Variants in EIF4G3 observed in about 807,000 individuals in gnomAD.
EIF4G3 encodes eukaryotic translation initiation factor 4 gamma 3.
Under a neutral mutation model 186.4 loss-of-function variants are expected in EIF4G3, and 34 were observed. The observed-to-expected ratio is 0.18, with a 90% CI of 0.14 to 0.24. EIF4G3 has a LOEUF of 0.24. EIF4G3 is among the 10% of genes least tolerant of loss of function. The pLI is 1.00. For synonymous variants in EIF4G3, 673 were observed against 679.5 expected (o/e 0.99, Z 0.15); for missense variants, 1,536 against 1,948.5 (o/e 0.79, Z 3.99).
chr1:20,990,928 C>T (rs967113834), intron 7 of EIF4G3, among the ~76,000 whole-genome samples: 5 of 152,128 alleles, frequency 3.3e-5, no homozygotes, highest in African/African-American at 9.7e-5. Flanking sequence ...GGTCAGCCTA[C>T]TAGAAGATGA....
chr1:21,121,844 T>C (rs183488342), intron 2 of EIF4G3, among the ~76,000 whole-genome samples: 1 of 152,032 alleles, frequency 6.6e-6, no homozygotes, highest in East Asian at 1.9e-4. Flanking sequence ...TCCTTTACAA[T>C]GTATCTTAAC....
At position 20,969,483 on chromosome 1, in the gene EIF4G3, A is replaced by G. The variant is rs1284992735; in HGVS notation, c.705T>C (p.Thr235=). ...PPIGRPTSTP[T]PPQQLPSQVP... ...GCTCACTCTGTCTTACCTGAGGAGG[A>G]GTAGGTGTGGACGTGGGTCTTCCTA... Residue 235 remains threonine (T), a synonymous_variant, in exon 12 of 37, where the codon ACT becomes ACC. Transcript: ENST00000602326. 3 of 1,613,674 alleles carry G rather than the reference A, an allele frequency of 1.9e-6. No individual in the cohort carries two copies. Among genetic ancestry groups the G allele is most frequent in the Non-Finnish European group, 2.5e-6 (3 of 1,179,756 alleles).
intron 4 of EIF4G3, among the ~76,000 whole-genome samples, chr1:21,021,198 G>A (rs2090590098): frequency 1.3e-5 from 2 of 152,080 alleles, no homozygotes; most frequent in African/African-American, 4.8e-5. Flanking sequence ...TGGCCAGATT[G>A]GTCTCAAACT....
intron 2 of EIF4G3, among the ~76,000 whole-genome samples, chr1:21,141,677 C>T (rs2102662744): frequency 6.6e-6 from 1 of 151,994 alleles, no homozygotes; most frequent in East Asian, 1.9e-4. Context: ...GCCTGTTATC[C>T]CAACACTTTG....
intron 16 of EIF4G3, among the ~76,000 whole-genome samples, chr1:20,897,832 T>C (rs1004456009): frequency 3.9e-5 from 6 of 151,976 alleles, no homozygotes; most frequent in Non-Finnish European, 8.8e-5. Flanking sequence ...TGGTCAATTA[T>C]AGTCAGGGCC....
chr1:21,068,862 C>T (rs1187662779), intron 3 of EIF4G3, among the ~76,000 whole-genome samples: 1 of 152,122 alleles, frequency 6.6e-6, no homozygotes, highest in Non-Finnish European at 1.5e-5. Flanking sequence ...TTTTGGAACA[C>T]CTGCAAACAG....
At chr1:21,111,522 A>G (rs2096725948) in intron 2 of EIF4G3, 1 of 341,320 alleles carries the variant, frequency 2.9e-6, no homozygotes, top group Non-Finnish European at 5.9e-6. Flanking sequence ...CCTTTAAGAC[A>G]TCTCTCCCAG....
chr1:20,851,097 A>C (rs547863166), intron 28 of EIF4G3, among the ~76,000 whole-genome samples, 161 bp downstream of exon 28: 2 of 152,238 alleles, frequency 1.3e-5, no homozygotes, highest in Non-Finnish European at 2.9e-5. Context: ...CTAGGGAATG[A>C]GAACTGTTAT....
rs201438045 is a variant in EIF4G3 at position 21,091,578 on chromosome 1, TA to T, written c.-271-2366del. 2.2e-3 allele frequency among the ~76,000 whole-genome samples: 342 copies of T among 152,090 alleles called. 2 individuals carry two copies. The highest frequency in any genetic ancestry group is 7.8e-3 in the African/African-American group (325 of 41,504). ...AGACCACAAGAGACCCTGCCTCTAT[TA>T]AAAAAAAATTTTTTTTCCACGATAT... On this transcript the variant is annotated intron_variant, in intron 2 of 36. Transcript: ENST00000602326.
chr1:20,892,222 G>A (rs1056607016), intron 18 of EIF4G3, among the ~76,000 whole-genome samples: 5 of 152,150 alleles, frequency 3.3e-5, no homozygotes, highest in East Asian at 1.9e-4. Context: ...GAAGTAACAC[G>A]GTTATCTGCA....
intron 30 of EIF4G3, among the ~76,000 whole-genome samples, chr1:20,830,263 T>C (rs1305564980): frequency 6.6e-6 from 1 of 152,100 alleles, no homozygotes; most frequent in Non-Finnish European, 1.5e-5. Flanking sequence ...CACTAAAACT[T>C]TTCACTTAAA....
At position 21,035,824 on chromosome 1, in the gene EIF4G3, G is replaced by T. The variant is rs529139558; in HGVS notation, c.-67+15042C>A. Among the ~76,000 whole-genome samples the T allele has an allele frequency of 2.2e-3, 329 of 152,308 alleles. 1 individual carries two copies. Among genetic ancestry groups the T allele is most frequent in the Non-Finnish European group, 3.2e-3 (217 of 68,026 alleles). On this transcript the variant is annotated intron_variant, in intron 4 of 36. Coordinates refer to ENST00000602326, the MANE Select transcript of EIF4G3 (RefSeq NM_001391906.1). ...GCCAGGGAGGTTCTGAAGGCTAGGG[G>T]TGGGCTACCCATCCCATGGACCAGA...
Position 20,841,033 on chromosome 1 carries a change from TCCAACA to T in EIF4G3, c.3889-11_3889-6del. On this transcript the variant is annotated splice_region_variant and splice_polypyrimidine_tract_variant and intron_variant, in intron 29 of 36. Transcript: ENST00000602326. ...TTCCACACACTGCATGGCTTCCTGT[TCCAACA>T]GCAAAGAAAGGTTTACTCCAAAATC... The T allele has an allele frequency of 6.2e-7, 1 of 1,613,362 alleles. No homozygotes were observed. Among genetic ancestry groups the T allele is most frequent in the Middle Eastern group, 1.7e-4 (1 of 6,058 alleles).
chr1:21,048,173 ATGC>A (rs1557696381), intron 4 of EIF4G3, among the ~76,000 whole-genome samples: 2 of 152,192 alleles, frequency 1.3e-5, no homozygotes, highest in Non-Finnish European at 2.9e-5. Flanking sequence ...AATGCAAACT[ATGC>A]ATTTGCGAGC....
At chr1:20,987,409 A>T (rs2079824949) in intron 7 of EIF4G3, among the ~76,000 whole-genome samples, 1 of 152,244 alleles carries the variant, frequency 6.6e-6, no homozygotes, top group Non-Finnish European at 1.5e-5. Context: ...CATTATAGAT[A>T]TTGCATTCTT....
At chr1:20,920,969 A>C (rs2094449517) in intron 14 of EIF4G3, among the ~76,000 whole-genome samples, 1 of 152,166 alleles carries the variant, frequency 6.6e-6, no homozygotes, top group South Asian at 2.1e-4. Context: ...TGCTCCTCCA[A>C]ACAACATAAC....
At chr1:20,978,642 T>C (rs1415087457) in intron 10 of EIF4G3, among the ~76,000 whole-genome samples, 1 of 144,474 alleles carries the variant, frequency 6.9e-6, no homozygotes, top group East Asian at 2.0e-4. Flanking sequence ...ACACGCTACA[T>C]GCCAATTAGT....
rs371032300 is a variant in EIF4G3, at chr1:20,942,099, G to A, written c.1055C>T (p.Ala352Val). Residue 352 changes from alanine (A) to valine (V), a missense_variant, in exon 14 of 37, where the codon GCT becomes GTT. By Grantham distance (64) the Ala-to-Val change is moderately conservative. Coordinates refer to ENST00000602326, the MANE Select transcript of EIF4G3 (RefSeq NM_001391906.1). ...TGAGAGTTCACATCTGTCATCTATA[G>A]CAGTGGTGAATATTGGTTGGCTACT... The part of the protein sequence containing the change: ...ALSSQPIFTT[A>V]IDDRCELSSP... 8.8e-5 allele frequency: 142 copies of A among 1,614,062 alleles called. No individual in the cohort carries two copies. Among genetic ancestry groups the A allele is most frequent in the Non-Finnish European group, 1.1e-4 (132 of 1,180,016 alleles).
chr1:20,843,020 T>A (rs937078560), intron 29 of EIF4G3, among the ~76,000 whole-genome samples: 12 of 151,804 alleles, frequency 7.9e-5, no homozygotes, highest in South Asian at 2.1e-4. Flanking sequence ...TTTAAAAAAA[T>A]TTTTTTGTAA....
Sources: allele counts gnomAD v4.1 joint callset (sites outside exome capture counted in the v4.1 genomes callset), GRCh38; gene constraint gnomAD v4.1.1; transcripts MANE v1.5; gene names NCBI Gene and HGNC (gene_info 2026-07-23, HGNC 2026-07-21).